Variants in CDH5 observed in about 807,000 individuals in gnomAD.
CDH5 encodes cadherin-5.
In CDH5, 28 loss-of-function variants were observed where a neutral mutation model predicts 62.0. That is an observed-to-expected ratio of 0.45 (90% CI 0.33 to 0.62). CDH5 has a LOEUF of 0.62. Among genes scored for constraint, CDH5 ranks in the 20% least tolerant of loss-of-function variants. The pLI is 0.02. For synonymous variants in CDH5, 464 were observed against 445.8 expected (o/e 1.04, Z -0.52); for missense variants, 940 against 1,065.1 (o/e 0.88, Z 1.63).
intron 11 of CDH5, among the ~76,000 whole-genome samples, chr16:66,401,907 G>A (rs567349342): frequency 2.0e-5 from 3 of 152,296 alleles, no homozygotes; most frequent in Non-Finnish European, 4.4e-5. Context: ...ATACAGCCAC[G>A]GGGCACCTGC....
intron 1 of CDH5, among the ~76,000 whole-genome samples, chr16:66,367,194 G>A (rs1249432040): frequency 6.6e-6 from 1 of 152,206 alleles, no homozygotes; most frequent in Non-Finnish European, 1.5e-5. Context: ...AGCCTCCTCA[G>A]CCCCCTACCC....
chr16:66,374,691 CTTT>C (rs749896456), intron 1 of CDH5, among the ~76,000 whole-genome samples: 2 of 129,140 alleles, frequency 1.5e-5, no homozygotes. Flanking sequence ...AGCCGTGCAT[CTTT>C]TTTTTTTTTT....
At chr16:66,374,953 C>T (rs1436344670) in intron 1 of CDH5, among the ~76,000 whole-genome samples, 4 of 152,080 alleles carry the variant, frequency 2.6e-5, no homozygotes, top group Admixed American at 2.0e-4. Context: ...CCCTCTCCCC[C>T]CACCCCACGA....
At chr16:66,367,925 G>A (rs1197498783) in intron 1 of CDH5, among the ~76,000 whole-genome samples, 3 of 152,166 alleles carry the variant, frequency 2.0e-5, no homozygotes, top group African/African-American at 7.2e-5. Flanking sequence ...GGATTTACCA[G>A]CTAGCACAGA....
At chr16:66,395,903 C>T in intron 7 of CDH5, 156 bp from the exon 8 acceptor site, 3 of 666,410 alleles carry the variant, frequency 4.5e-6, no homozygotes, top group South Asian at 2.1e-5. Context: ...CTGTGTAGGT[C>T]CACTCTTGTC....
Position 66,397,971 on chromosome 16 carries a change from C to G in CDH5, c.1361-11C>G. 6.2e-7 allele frequency: 1 copy of G among 1,614,174 alleles called. No homozygotes were observed. Among genetic ancestry groups the G allele is most frequent in the East Asian group, 2.2e-5 (1 of 44,884 alleles). ...CTGAGCCCATAATGGTGACAGTCTT[C>G]TCCCCTGCAGGAACCCCCACAGGAA... On this transcript the variant is annotated splice_polypyrimidine_tract_variant and intron_variant, in intron 8 of 11. Transcript: ENST00000341529.
chr16:66,371,526 T>C (rs1013638472), intron 1 of CDH5, among the ~76,000 whole-genome samples: 1 of 151,704 alleles, frequency 6.6e-6, no homozygotes, highest in African/African-American at 2.4e-5. Context: ...CCTGCAGGAG[T>C]TGGCCTGGGC....
chr16:66,389,555 G>A (rs1324978624), intron 5 of CDH5, 33 bp downstream of exon 5: 15 of 1,509,070 alleles, frequency 9.9e-6, no homozygotes, highest in Non-Finnish European at 1.3e-5. Flanking sequence ...TGGGAAGGGG[G>A]GCTGGGATAC....
In CDH5 at chr16:66,370,819, G is replaced by C. The variant is rs556871465; in HGVS notation, c.-20+4061G>C. On this transcript the variant is annotated intron_variant, in intron 1 of 11. Coordinates refer to ENST00000341529, the MANE Select transcript of CDH5 (RefSeq NM_001795.5). ...CAGCCTGGGCAAAAAGCCTGCTGCT[G>C]AGAGGAAGGGCATTGTGCATTTCAG... 2.0e-5 allele frequency among the ~76,000 whole-genome samples: 3 copies of C among 152,352 alleles called. No individual in the cohort carries two copies. The South Asian group carries it at 6.2e-4, about 32-fold the overall frequency.
At chr16:66,397,847 C>T (rs537597708) in intron 8 of CDH5, 135 bp from the exon 9 acceptor site, 2 of 898,052 alleles carry the variant, frequency 2.2e-6, no homozygotes, top group Non-Finnish European at 3.5e-6. Context: ...TCCAGAACAC[C>T]ATCCTGGGCC....
intron 2 of CDH5, among the ~76,000 whole-genome samples, chr16:66,380,885 G>T (rs1005341066): frequency 6.6e-6 from 1 of 151,942 alleles, no homozygotes; most frequent in Admixed American, 6.6e-5. Flanking sequence ...TGATAATGGA[G>T]GTGATGATGA....
intron 2 of CDH5, among the ~76,000 whole-genome samples, chr16:66,384,428 C>A (rs1960949129): frequency 6.6e-6 from 1 of 151,708 alleles, no homozygotes; most frequent in African/African-American, 2.4e-5. Context: ...CACCAGATGC[C>A]TTCACACAAA....
chr16:66,378,349 A>G (rs1453702290), intron 1 of CDH5, among the ~76,000 whole-genome samples: 4 of 152,150 alleles, frequency 2.6e-5, no homozygotes, highest in African/African-American at 7.2e-5. Context: ...TGCTCCTTAC[A>G]GTTTGGGTGA....
chr16:66,395,018 C>CGTTTTT (rs1961152446), intron 7 of CDH5, among the ~76,000 whole-genome samples: 1 of 13,774 alleles, frequency 7.3e-5, no homozygotes, highest in Non-Finnish European at 1.5e-4. Context: ...CCAGGCTAAT[C>CGTTTTT]TTTTTTTTTT....
intron 1 of CDH5, among the ~76,000 whole-genome samples, chr16:66,371,318 G>C (rs1196271798): frequency 6.6e-6 from 1 of 152,122 alleles, no homozygotes; most frequent in Non-Finnish European, 1.5e-5. Context: ...CACGGAGCTG[G>C]GTCTTCAGTG....
At chr16:66,393,988 G>C (rs1355560516) in intron 7 of CDH5, among the ~76,000 whole-genome samples, 3 of 151,922 alleles carry the variant, frequency 2.0e-5, no homozygotes. Context: ...TTGATCCAAG[G>C]GTTTATTTAA....
At chr16:66,391,838 G>A (rs774251516) in intron 6 of CDH5, among the ~76,000 whole-genome samples, 46 of 152,216 alleles carry the variant, frequency 3.0e-4, no homozygotes, top group Admixed American at 6.5e-4. Flanking sequence ...GCTCTTAAGA[G>A]CAGGACCATA....
intron 1 of CDH5, among the ~76,000 whole-genome samples, chr16:66,368,006 T>C (rs1960618239): frequency 6.6e-6 from 1 of 151,884 alleles, no homozygotes; most frequent in Non-Finnish European, 1.5e-5. Flanking sequence ...CACGGAGGGG[T>C]CCTCAGGTGC....
Position 66,373,154 on chromosome 16 carries a change from T to C in CDH5, c.-19-6165T>C, listed in dbSNP as rs183946343. Among the ~76,000 whole-genome samples the C allele has an allele frequency of 3.3e-3, 495 of 152,240 alleles. 6 individuals carry two copies. Among genetic ancestry groups the C allele is most frequent in the African/African-American group, 0.012 (478 of 41,540 alleles). ...CTGAATGTCTGGGGTGCCCCAAATC[T>C]ACCTGGCAACAGCTTGAGTCTCTCT... On this transcript the variant is annotated intron_variant, in intron 1 of 11. Transcript: ENST00000341529.
Sources: allele counts gnomAD v4.1 joint callset (sites outside exome capture counted in the v4.1 genomes callset), GRCh38; gene constraint gnomAD v4.1.1; transcripts MANE v1.5; gene names NCBI Gene and HGNC (gene_info 2026-07-23, HGNC 2026-07-21).